DNASE1: variants seen among roughly 807,000 people sequenced by gnomAD.
The protein encoded by DNASE1 is deoxyribonuclease-1.
DNASE1 carries 40 observed loss-of-function variants against 33.9 expected under a neutral mutation model. That is an observed-to-expected ratio of 1.18 (90% confidence interval 0.92 to 1.54). DNASE1 has a LOEUF of 1.54. Ranked by LOEUF, DNASE1 falls within the 40% of genes most tolerant of loss-of-function variation. The pLI is 0.00. For missense variants in DNASE1, 518 were observed against 372.6 expected (o/e 1.39, Z -3.21); for synonymous variants, 216 against 160.0 (o/e 1.35, Z -2.64).
At chr16:3,628,912 C>A (rs1254317575) in intron 1 of DNASE1, among the ~76,000 whole-genome samples, 1 of 146,916 alleles carries the variant, frequency 6.8e-6, no homozygotes, top group Non-Finnish European at 1.5e-5. Context: ...TGGCTCACGC[C>A]GGTAATCCCA....
chr16:3,657,982 C>T lies in DNASE1; in HGVS notation c.*29C>T, dbSNP rs1179029668. On this transcript the variant is annotated 3_prime_UTR_variant, in exon 9 of 9. Coordinates refer to ENST00000246949, the MANE Select transcript of DNASE1 (RefSeq NM_005223.4). ...GCCCCTCCCCACACCAGTTGAACTGCAGGAAGAGAGGACCCATCCTGCCAC... is the reference window on the plus strand; with the variant it reads ...GCCCCTCCCCACACCAGTTGAACTGTAGGAAGAGAGGACCCATCCTGCCAC... 1.2e-6 allele frequency: 2 copies of T among 1,613,372 alleles called. No individual in the cohort carries two copies. The highest frequency in any genetic ancestry group is 1.7e-6 in the Non-Finnish European group (2 of 1,179,792).
intron 1 of DNASE1, among the ~76,000 whole-genome samples, chr16:3,614,370 A>G (rs1243430647): frequency 6.6e-6 from 1 of 152,090 alleles, no homozygotes. Flanking sequence ...ATTTACTTAC[A>G]TTTCTCAAGA....
rs2042749212 is a variant in DNASE1 at position 3,657,453 on chromosome 16, T to C, written c.704+112T>C. ...CCTTTGAACACTCACCCAACTGAGC[T>C]TCAGTTGATCCACTACAGGGAACAG... On this transcript the variant is annotated intron_variant, in intron 7 of 8. Coordinates refer to ENST00000246949, the MANE Select transcript of DNASE1 (RefSeq NM_005223.4). 4.2e-6 allele frequency: 6 copies of C among 1,416,964 alleles called. No individual in the cohort carries two copies. The South Asian group carries it at 6.4e-5, about 15-fold the overall frequency. 87.8% of individuals were successfully genotyped at this position (1,416,964 alleles called of 1,614,324 possible).
At chr16:3,626,418 ATAT>A (rs943645610) in intron 1 of DNASE1, among the ~76,000 whole-genome samples, 2 of 152,166 alleles carry the variant, frequency 1.3e-5, no homozygotes, top group Non-Finnish European at 2.9e-5. Flanking sequence ...ATGTTGCTTA[ATAT>A]CAAGTGTTTG....
chr16:3,626,434 G>C (rs2041513259), intron 1 of DNASE1, among the ~76,000 whole-genome samples: 1 of 152,148 alleles, frequency 6.6e-6, no homozygotes, highest in Non-Finnish European at 1.5e-5. Context: ...AGTGTTTGGA[G>C]AGTTCCCTCA....
At chr16:3,663,669 G>A in exon 10 of DNASE1, 1 of 1,404,498 alleles carries the variant, frequency 7.1e-7, no homozygotes, top group East Asian at 2.4e-5. Flanking sequence ...GGGCCACACT[G>A]GGGAACACCG....
chr16:3,623,970 T>C (rs1229214882), intron 1 of DNASE1, among the ~76,000 whole-genome samples: 2 of 152,040 alleles, frequency 1.3e-5, no homozygotes, highest in Non-Finnish European at 2.9e-5. Flanking sequence ...GACTGTAAAT[T>C]ACTATAACCT....
chr16:3,627,044 T>TG (rs1383117507), intron 1 of DNASE1, among the ~76,000 whole-genome samples: 1 of 151,690 alleles, frequency 6.6e-6, no homozygotes, highest in East Asian at 1.9e-4. Context: ...TTTAAATTTT[T>TG]TTTTTTTTTT....
chr16:3,634,891 A>T (rs1266296022), intron 1 of DNASE1, among the ~76,000 whole-genome samples: 1 of 152,134 alleles, frequency 6.6e-6, no homozygotes, highest in Non-Finnish European at 1.5e-5. Context: ...TCACAAGTGC[A>T]ATCCCATGAC....
chr16:3,634,408 T>C (rs1226132697), intron 1 of DNASE1, among the ~76,000 whole-genome samples: 2 of 151,262 alleles, frequency 1.3e-5, no homozygotes, highest in African/African-American at 4.9e-5. Flanking sequence ...TTTTGTAGTT[T>C]TAGTAGAGAT....
chr16:3,639,679 A>G (rs2041975713), upstream of DNASE1, among the ~76,000 whole-genome samples: 2 of 152,214 alleles, frequency 1.3e-5, no homozygotes, highest in East Asian at 1.9e-4. Flanking sequence ...CCCTTGTTTA[A>G]GCTACCATGT....
upstream of DNASE1, chr16:3,650,730 A>G (rs1305726452): frequency 6.6e-6 from 1 of 152,198 alleles, no homozygotes; most frequent in African/African-American, 2.4e-5. Flanking sequence ...GTAATACATA[A>G]AGAGAAATGT....
chr16:3,638,565 C>T (rs1030327082), upstream of DNASE1, among the ~76,000 whole-genome samples: 1 of 152,208 alleles, frequency 6.6e-6, no homozygotes, highest in African/African-American at 2.4e-5. Flanking sequence ...GTCTTGTTCT[C>T]CTGACCTCGT....
chr16:3,641,934 A>G (rs1175139825), upstream of DNASE1, among the ~76,000 whole-genome samples: 2 of 152,194 alleles, frequency 1.3e-5, no homozygotes, highest in Non-Finnish European at 2.9e-5. Flanking sequence ...CCAGGAAAGG[A>G]GTGGGCAGAG....
At chr16:3,635,541 G>T (rs933894061) in intron 1 of DNASE1, among the ~76,000 whole-genome samples, 4 of 151,000 alleles carry the variant, frequency 2.6e-5, no homozygotes, top group African/African-American at 9.7e-5. Context: ...TCCTTTATAG[G>T]TCTTTATTTC....
rs1249140630 is a variant in DNASE1 at position 3,657,305 on chromosome 16, A to AT, written c.668_669insT (p.Thr224HisfsTer11). On this transcript the variant is annotated frameshift_variant, in exon 7 of 9. Coordinates refer to ENST00000246949, the MANE Select transcript of DNASE1 (RefSeq NM_005223.4). LOFTEE classifies it high-confidence loss of function. ...CAGTGGCTGATCCCCGACAGCGCTG[A>AT]CACCACAGCTACACCCACGCACTGT... The AT allele has an allele frequency of 6.8e-6, 11 of 1,613,718 alleles. No individual in the cohort carries two copies. Among genetic ancestry groups the AT allele is most frequent in the Non-Finnish European group, 9.3e-6 (11 of 1,180,024 alleles).
At chr16:3,656,820 A>G in intron 5 of DNASE1, 67 bp downstream of exon 5, 1 of 1,545,602 alleles carries the variant, frequency 6.5e-7, no homozygotes, top group Non-Finnish European at 8.7e-7. Flanking sequence ...CTCCTAGGGA[A>G]CCTGGAATGC....
At chr16:3,660,778 G>A (rs1192569832), downstream of DNASE1, 1 of 152,164 alleles carries the variant, frequency 6.6e-6, no homozygotes, top group African/African-American at 2.4e-5. Context: ...ACAAAAACTG[G>A]CTGGGGGTGG....
At chr16:3,659,554 T>G (rs1253687641), downstream of DNASE1, 1 of 152,200 alleles carries the variant, frequency 6.6e-6, no homozygotes, top group African/African-American at 2.4e-5. Context: ...GGAAAAAGCA[T>G]CATGTAGTAT....
Sources: gnomAD v4.1 joint callset for allele counts (sites outside exome capture counted in the v4.1 genomes callset) on GRCh38, gnomAD v4.1.1 for gene constraint, MANE v1.5 for transcripts, NCBI Gene and HGNC (gene_info 2026-07-23, HGNC 2026-07-21) for gene names.